The following PPP2R2C variants were observed in gnomAD, a reference collection of about 807,000 sequenced individuals.
The protein encoded by PPP2R2C is protein phosphatase 2 regulatory subunit Bgamma, also known as protein phosphatase 2, regulatory subunit B, gamma.
A neutral mutation model predicts 45.3 loss-of-function variants in PPP2R2C; 10 were observed. The observed-to-expected ratio is 0.22, with a 90% CI of 0.14 to 0.37. The LOEUF is 0.37. Among genes scored for constraint, PPP2R2C ranks in the 10% least tolerant of loss-of-function variants. The pLI, the probability that PPP2R2C is intolerant of heterozygous loss-of-function variation, is 1.00. For synonymous variants in PPP2R2C, 257 were observed against 245.4 expected (o/e 1.05, Z -0.44); for missense variants, 308 against 619.7 (o/e 0.50, Z 5.34).
chr4:6,449,275 T>C (rs951977356), intron 1 of PPP2R2C, among the ~76,000 whole-genome samples: 3 of 152,152 alleles, frequency 2.0e-5, no homozygotes, highest in Non-Finnish European at 2.9e-5. Context: ...CAACAGCCAA[T>C]TGCATGAATC....
At position 6,465,790 on chromosome 4, in the gene PPP2R2C, A is replaced by T. The variant is rs189300057; in HGVS notation, c.70+6370T>A. Among the ~76,000 whole-genome samples the T allele has an allele frequency of 4.3e-4, 66 of 152,328 alleles. 2 individuals are homozygous for T. The highest frequency in any genetic ancestry group is 1.3e-4 in the Non-Finnish European group (9 of 68,028). On this transcript the variant is annotated intron_variant, in intron 1 of 8. Transcript: ENST00000382599. ...CCAAAATGCACAAGTTATATTTCGCATATGGATTTTGTTCTTACCAGAGCA... is the reference window on the plus strand; with the variant it reads ...CCAAAATGCACAAGTTATATTTCGCTTATGGATTTTGTTCTTACCAGAGCA...
intron 1 of PPP2R2C, among the ~76,000 whole-genome samples, chr4:6,542,699 T>A (rs370254507): frequency 2.5e-4 from 1 of 4,008 alleles, no homozygotes; most frequent in African/African-American, 3.2e-4. Flanking sequence ...CAAGACTCTG[T>A]CTCAAAAAAA....
Position 6,413,870 on chromosome 4 carries a change from C to A in PPP2R2C, c.71-32776G>T, listed in dbSNP as rs550282850. 1.4e-5 allele frequency: 21 copies of A among 1,536,002 alleles called. No individual in the cohort carries two copies. In the East Asian group the frequency reaches 4.2e-4, roughly 30 times the overall value. On this transcript the variant is annotated intron_variant, in intron 1 of 8. Coordinates refer to ENST00000382599, the MANE Select transcript of PPP2R2C (RefSeq NM_020416.4). ...GCCAGCTCCACGATGGGGACCCTCC[C>A]AACTCTCATGATGCCCCACAGCCCC...
intron 6 of PPP2R2C, among the ~76,000 whole-genome samples, chr4:6,346,705 G>A (rs1711978994): frequency 6.6e-6 from 1 of 152,278 alleles, no homozygotes; most frequent in East Asian, 1.9e-4. Context: ...AGAAGCTGGA[G>A]GTTTTGGTGG....
chr4:6,391,743 C>A (rs1430975763), intron 1 of PPP2R2C, among the ~76,000 whole-genome samples: 2 of 152,216 alleles, frequency 1.3e-5, no homozygotes, highest in Non-Finnish European at 2.9e-5. Context: ...GGGGGAGCGG[C>A]AGCAGGGGAA....
At chr4:6,421,234 C>G (rs1208086719) in intron 1 of PPP2R2C, 2 of 617,710 alleles carry the variant, frequency 3.2e-6, no homozygotes, top group Admixed American at 6.3e-5. Flanking sequence ...ACAAAGGAGT[C>G]AGGGCTGTGC....
At chr4:6,360,350 G>T (rs1713615900) in intron 5 of PPP2R2C, among the ~76,000 whole-genome samples, 1 of 152,268 alleles carries the variant, frequency 6.6e-6, no homozygotes, top group South Asian at 2.1e-4. Context: ...ATGCCAGGCT[G>T]GCTGGACTGG....
intron 1 of PPP2R2C, among the ~76,000 whole-genome samples, chr4:6,465,340 G>A (rs1407317463): frequency 6.6e-6 from 1 of 152,118 alleles, no homozygotes; most frequent in African/African-American, 2.4e-5. Context: ...GGGTGAGAGA[G>A]GAGCACGGAC....
chr4:6,373,655 T>C (rs1047884223), intron 4 of PPP2R2C, among the ~76,000 whole-genome samples: 1 of 152,204 alleles, frequency 6.6e-6, no homozygotes, highest in Non-Finnish European at 1.5e-5. Context: ...ATGGGCTGTG[T>C]CCCTGAGCTC....
intron 5 of PPP2R2C, among the ~76,000 whole-genome samples, chr4:6,354,362 C>T (rs1553886949): frequency 6.6e-6 from 1 of 152,130 alleles, no homozygotes; most frequent in Non-Finnish European, 1.5e-5. Context: ...TTCCTAGTCT[C>T]TGCCTGAACA....
intron 1 of PPP2R2C, among the ~76,000 whole-genome samples, chr4:6,401,714 G>A (rs894385695): frequency 1.3e-5 from 2 of 152,128 alleles, no homozygotes; most frequent in Non-Finnish European, 2.9e-5. Context: ...AATGAGTGGT[G>A]GCCACAGCTC....
chr4:6,392,792 A>C (rs1344916994), intron 1 of PPP2R2C, among the ~76,000 whole-genome samples: 12 of 152,204 alleles, frequency 7.9e-5, no homozygotes, highest in Non-Finnish European at 4.4e-5. Flanking sequence ...TCTTTCTAGC[A>C]TGGACGAGCA....
chr4:6,409,329 C>T (rs1484387208), intron 1 of PPP2R2C, among the ~76,000 whole-genome samples: 5 of 152,180 alleles, frequency 3.3e-5, no homozygotes, highest in Non-Finnish European at 7.3e-5. Context: ...TGGCCTAGGA[C>T]CTGCGAGAGT....
intron 2 of PPP2R2C, among the ~76,000 whole-genome samples, chr4:6,529,388 G>C (rs1724320239): frequency 6.6e-6 from 1 of 152,246 alleles, no homozygotes; most frequent in Non-Finnish European, 1.5e-5. Flanking sequence ...GCCAGGCTGG[G>C]AGCCAGCAGG....
At chr4:6,499,505 G>C (rs931582201) in intron 2 of PPP2R2C, among the ~76,000 whole-genome samples, 1 of 152,104 alleles carries the variant, frequency 6.6e-6, no homozygotes, top group African/African-American at 2.4e-5. Context: ...ACCCTCATTG[G>C]AAAGGGATTT....
At position 6,376,546 on chromosome 4, in the gene PPP2R2C, C is replaced by T. The variant is rs554379252; in HGVS notation, c.335-615G>A. Among the ~76,000 whole-genome samples, 4 of 152,080 alleles carry T rather than the reference C, an allele frequency of 2.6e-5. No individual in the cohort carries two copies. In the East Asian group the frequency reaches 5.8e-4, roughly 22 times the overall value. On this transcript the variant is annotated intron_variant, in intron 3 of 8. Coordinates refer to ENST00000382599, the MANE Select transcript of PPP2R2C (RefSeq NM_020416.4). ...CAGCTCACTACAGCCTTGACTTTACCGGTCTCAGATGATCCTTCAATCTCA... is the reference window on the plus strand; with the variant it reads ...CAGCTCACTACAGCCTTGACTTTACTGGTCTCAGATGATCCTTCAATCTCA...
chr4:6,444,720 C>A (rs1038511797), intron 1 of PPP2R2C, among the ~76,000 whole-genome samples: 2 of 152,248 alleles, frequency 1.3e-5, no homozygotes, highest in Non-Finnish European at 2.9e-5. Flanking sequence ...GGCAAAGTGT[C>A]TTCACGCTTC....
At chr4:6,521,689 G>A (rs1019579716) in intron 2 of PPP2R2C, among the ~76,000 whole-genome samples, 5 of 152,278 alleles carry the variant, frequency 3.3e-5, no homozygotes, top group African/African-American at 9.6e-5. Context: ...AGCTGGTACC[G>A]CTTCCCCTGG....
chr4:6,448,333 G>A (rs555587605), intron 1 of PPP2R2C, among the ~76,000 whole-genome samples: 239 of 152,268 alleles, frequency 1.6e-3, no homozygotes, highest in Non-Finnish European at 2.8e-3. Context: ...GCCAAGGCAG[G>A]TGGATCCCTT....
Sources: gnomAD v4.1 joint callset for allele counts (sites outside exome capture counted in the v4.1 genomes callset) on GRCh38, gnomAD v4.1.1 for gene constraint, MANE v1.5 for transcripts, NCBI Gene and HGNC (gene_info 2026-07-23, HGNC 2026-07-21) for gene names.